Variants in TLNRD1 observed in about 807,000 individuals in gnomAD.
The protein encoded by TLNRD1 is talin rod domain-containing protein 1.
A neutral mutation model predicts 19.5 loss-of-function variants in TLNRD1; 14 were observed. The ratio of observed to expected loss-of-function variants is 0.72; its 90% CI spans 0.47 to 1.12. The LOEUF (loss-of-function observed/expected upper bound fraction) is 1.12. Ranked by LOEUF, TLNRD1 falls within the 50% of genes most tolerant of loss-of-function variation. The probability of loss-of-function intolerance (pLI) is 0.00; values close to 1 mark genes in which losing one functional copy is unlikely to be tolerated. For synonymous variants in TLNRD1, 345 were observed against 261.7 expected (o/e 1.32, Z -3.07); for missense variants, 569 against 531.9 (o/e 1.07, Z -0.69).
rs946439426 is a variant in TLNRD1 at position 81,001,302 on chromosome 15, G to T, written c.-970G>T. ...GCCTCGGGAGAGCTCAGCTGCTGCG[G>T]GCCCCAGACGAGGCGACAGGGATGG... On this transcript the variant is annotated 5_prime_UTR_variant, in exon 1 of 1. Coordinates refer to ENST00000267984, the MANE Select transcript of TLNRD1 (RefSeq NM_022566.3). The T allele has an allele frequency of 1.3e-5, 2 of 152,150 alleles. No individual in the cohort carries two copies. The highest frequency in any genetic ancestry group is 2.9e-5 in the Non-Finnish European group (2 of 68,112). 9.4% of individuals were successfully genotyped at this position (152,150 alleles called of 1,614,324 possible). A position where few individuals can be genotyped will look rare whatever the true frequency, so the allele number is the denominator to read the frequency against.
chr15:81,003,742 A>G lies in TLNRD1; in HGVS notation c.*382A>G, dbSNP rs1893457591. On this transcript the variant is annotated 3_prime_UTR_variant, in exon 1 of 1. Transcript: ENST00000267984. ...TTTTAATTAAAAGAAAGGTTACCTCAGTTTTCACTCCTTAGACATGGATGT... is the reference window on the plus strand; with the variant it reads ...TTTTAATTAAAAGAAAGGTTACCTCGGTTTTCACTCCTTAGACATGGATGT... The G allele has an allele frequency of 5.4e-6, 1 of 186,640 alleles. No individual in the cohort carries two copies. The highest frequency in any genetic ancestry group is 1.2e-5 in the Non-Finnish European group (1 of 83,036). 11.6% of individuals were successfully genotyped at this position (186,640 alleles called of 1,614,324 possible).
Position 81,003,258 on chromosome 15 carries a change from G to A in TLNRD1, c.987G>A (p.Ser329=), listed in dbSNP as rs1893446586. ...ACCACAGGGAGAGGCTGAGGAACTC[G>A]GCCTGCGCCGTGTCTGAAGGCTGCA... ...MSDHRERLRN[S]ACAVSEGCTL... is the part of the protein sequence containing the mutation. Residue 329 remains serine (S), a synonymous_variant, in exon 1 of 1, where the codon TCG becomes TCA. Transcript: ENST00000267984. 9.3e-6 allele frequency: 15 copies of A among 1,608,738 alleles called. No individual in the cohort carries two copies. Among genetic ancestry groups the A allele is most frequent in the Non-Finnish European group, 1.3e-5 (15 of 1,178,240 alleles).
rs1462314255 is a variant in TLNRD1, at chr15:81,004,923, C to A, written c.*1563C>A. On this transcript the variant is annotated 3_prime_UTR_variant, in exon 1 of 1. Transcript: ENST00000267984. ...ACGTGGTTTAGATTTGTTCCATTTA[C>A]ATTTTTCTTGGGATTTGTTGTGCTT... is the stretch of plus-strand genomic sequence containing the variant. The A allele has an allele frequency of 6.0e-6, 1 of 167,076 alleles. No individual in the cohort carries two copies. Among genetic ancestry groups the A allele is most frequent in the Non-Finnish European group, 1.5e-5 (1 of 68,116 alleles). 10.3% of individuals were successfully genotyped at this position (167,076 alleles called of 1,614,324 possible).
rs887062586 is a variant in TLNRD1 at position 81,005,678 on chromosome 15, A to G, written c.*2318A>G. The G allele has an allele frequency of 3.6e-5, 6 of 167,072 alleles. No individual in the cohort carries two copies. The highest frequency in any genetic ancestry group is 8.8e-5 in the Non-Finnish European group (6 of 68,124). 10.3% of individuals were successfully genotyped at this position (167,072 alleles called of 1,614,324 possible). A position where few individuals can be genotyped will look rare whatever the true frequency, so the allele number is the denominator to read the frequency against. ...CTAGCTAGTCACTAAGTGAATTTTG[A>G]AACCTCTTACCTAAATGATAGCTGC... On this transcript the variant is annotated 3_prime_UTR_variant, in exon 1 of 1. Transcript: ENST00000267984.
At position 81,001,401 on chromosome 15, in the gene TLNRD1, C is replaced by G. The variant is rs1399011813; in HGVS notation, c.-871C>G. The G allele has an allele frequency of 1.3e-5, 2 of 151,210 alleles. No individual in the cohort carries two copies. The highest frequency in any genetic ancestry group is 2.4e-5 in the African/African-American group (1 of 41,280). 9.4% of individuals were successfully genotyped at this position (151,210 alleles called of 1,614,324 possible). A position where few individuals can be genotyped will look rare whatever the true frequency, so the allele number is the denominator to read the frequency against. ...GGCGTGCCGCCGCGGCGCCGGGCCGCGCTCTGTGAACCGGCGAGGCGGGAA... is the reference window on the plus strand; with the variant it reads ...GGCGTGCCGCCGCGGCGCCGGGCCGGGCTCTGTGAACCGGCGAGGCGGGAA... On this transcript the variant is annotated 5_prime_UTR_variant, in exon 1 of 1. Coordinates refer to ENST00000267984, the MANE Select transcript of TLNRD1 (RefSeq NM_022566.3).
chr15:81,003,324 G>A lies in TLNRD1; in HGVS notation c.1053G>A (p.Arg351=). The A allele has an allele frequency of 1.9e-6, 3 of 1,604,848 alleles. No homozygotes were observed. Among genetic ancestry groups the A allele is most frequent in the South Asian group, 2.2e-5 (2 of 90,778 alleles). The change falls in exon 1 of 1, where the codon AGG becomes AGA. Residue 351 remains arginine (R), a synonymous_variant. Coordinates refer to ENST00000267984, the MANE Select transcript of TLNRD1 (RefSeq NM_022566.3). ...SQALRERSSP[R]TLPPVNSNSV... ...CTTTAAGGGAGAGGTCTTCGCCCAG[G>A]ACTTTACCGCCAGTGAATTCCAATT...
chr15:81,003,035 T>A lies in TLNRD1; in HGVS notation c.764T>A (p.Val255Glu). The change falls in exon 1 of 1, where the codon GTG becomes GAG. Residue 255 changes from valine (V) to glutamate (E), a missense_variant. Transcript: ENST00000267984. ...SRCALFSGPL[V>E]QAVSALVGFA... Reference sequence around the variant, plus strand: ...TGTGCGCTCTTCAGCGGGCCCCTGGTGCAGGCAGTGAGCGCCCTGGTAGGC... The same window carrying A: ...TGTGCGCTCTTCAGCGGGCCCCTGGAGCAGGCAGTGAGCGCCCTGGTAGGC... 6.4e-7 allele frequency: 1 copy of A among 1,551,542 alleles called. No individual in the cohort carries two copies. The highest frequency in any genetic ancestry group is 8.7e-7 in the Non-Finnish European group (1 of 1,155,058).
Position 81,005,332 on chromosome 15 carries a change from G to A in TLNRD1, c.*1972G>A, listed in dbSNP as rs1253801267. 1 of 167,084 alleles carries A rather than the reference G, an allele frequency of 6.0e-6. No individual in the cohort carries two copies. The highest frequency in any genetic ancestry group is 2.4e-5 in the African/African-American group (1 of 41,438). 10.4% of individuals were successfully genotyped at this position (167,084 alleles called of 1,614,324 possible). A position where few individuals can be genotyped will look rare whatever the true frequency, so the allele number is the denominator to read the frequency against. On this transcript the variant is annotated 3_prime_UTR_variant, in exon 1 of 1. Transcript: ENST00000267984. ...TTGGGATGGGGTTCAGGATGAAAGG[G>A]AGGTGGGATTCTAATTCATGTGCCA...
rs1428974574 is a variant in TLNRD1, at chr15:81,003,936, A to T, written c.*576A>T. On this transcript the variant is annotated 3_prime_UTR_variant, in exon 1 of 1. Transcript: ENST00000267984. ...CTATAGAGTGATTTTTTTTTCCCCC[A>T]ACGTCAAGTTTTTACCTTGCATGTA... 6.0e-6 allele frequency: 1 copy of T among 166,304 alleles called. No individual in the cohort carries two copies. The highest frequency in any genetic ancestry group is 2.4e-5 in the African/African-American group (1 of 41,342). The allele number at this position is 166,304 out of a possible 1,614,324, so 10.3% of individuals were successfully genotyped here. A position where few individuals can be genotyped will look rare whatever the true frequency, so the allele number is the denominator to read the frequency against.
chr15:81,002,729 T>G lies in TLNRD1; in HGVS notation c.458T>G (p.Val153Gly). The change falls in exon 1 of 1, where the codon GTG (valine) becomes GGG (glycine). Residue 153 changes from valine to glycine, a missense_variant. By Grantham distance (109) the Val-to-Gly change is moderately radical. Coordinates refer to ENST00000267984, the MANE Select transcript of TLNRD1 (RefSeq NM_022566.3). ...CCGGGCCTGGTGGACCGCTACCGCGTGACGCGATGCCGCCACGAGGTGGAG... is the reference window on the plus strand; with the variant it reads ...CCGGGCCTGGTGGACCGCTACCGCGGGACGCGATGCCGCCACGAGGTGGAG... ...AQPGLVDRYR[V>G]TRCRHEVEQG... is the part of the protein sequence containing the mutation. 6.5e-7 allele frequency: 1 copy of G among 1,534,230 alleles called. No homozygotes were observed. The highest frequency in any genetic ancestry group is 8.7e-7 in the Non-Finnish European group (1 of 1,146,052).
Position 81,002,570 on chromosome 15 carries a change from TC to T in TLNRD1, c.300del (p.Asn101ThrfsTer22). 6.8e-7 allele frequency: 1 copy of T among 1,465,012 alleles called. No individual in the cohort carries two copies. The highest frequency in any genetic ancestry group is 9.0e-7 in the Non-Finnish European group (1 of 1,115,468). 90.8% of individuals were successfully genotyped at this position (1,465,012 alleles called of 1,614,324 possible). On this transcript the variant is annotated frameshift_variant, in exon 1 of 1. Coordinates refer to ENST00000267984, the MANE Select transcript of TLNRD1 (RefSeq NM_022566.3). LOFTEE classifies it high-confidence loss of function. ...SILTHDVQSQ[L>X]NMGRFGEAGD... is the part of the protein sequence containing the mutation. ...CTCACCCACGACGTGCAGAGCCAGC[TC>T]AACATGGGCCGCTTCGGGGAGGCGG...
chr15:81,003,613 C>T lies in TLNRD1; in HGVS notation c.*253C>T. 2.4e-6 allele frequency: 1 copy of T among 414,410 alleles called. No homozygotes were observed. The highest frequency in any genetic ancestry group is 4.4e-6 in the Non-Finnish European group (1 of 226,008). 25.7% of individuals were successfully genotyped at this position (414,410 alleles called of 1,614,324 possible). ...ATATGTCATCTGCTGGTTGTGTTATCACTCCCACCCCCTACCCCAGCCCGT... is the reference window on the plus strand; with the variant it reads ...ATATGTCATCTGCTGGTTGTGTTATTACTCCCACCCCCTACCCCAGCCCGT... On this transcript the variant is annotated 3_prime_UTR_variant, in exon 1 of 1. Transcript: ENST00000267984.
Position 81,001,895 on chromosome 15 carries a change from A to G in TLNRD1, c.-377A>G, listed in dbSNP as rs1234355295. On this transcript the variant is annotated 5_prime_UTR_variant, in exon 1 of 1. Coordinates refer to ENST00000267984, the MANE Select transcript of TLNRD1 (RefSeq NM_022566.3). ...CCGAGGGCCGCGCCAGGCCATGCCC[A>G]AGAAGGCGGCGGCGGCGGCGAACCA... 1 of 153,362 alleles carries G rather than the reference A, an allele frequency of 6.5e-6. No homozygotes were observed. Among genetic ancestry groups the G allele is most frequent in the African/African-American group, 2.4e-5 (1 of 41,238 alleles). The allele number at this position is 153,362 out of a possible 1,614,324, so 9.5% of individuals were successfully genotyped here. A position where few individuals can be genotyped will look rare whatever the true frequency, so the allele number is the denominator to read the frequency against.
At position 81,003,387 on chromosome 15, in the gene TLNRD1, AC is replaced by A. The variant is rs1567132847; in HGVS notation, c.*32del. The A allele has an allele frequency of 6.6e-7, 1 of 1,506,128 alleles. No individual in the cohort carries two copies. Among genetic ancestry groups the A allele is most frequent in the Non-Finnish European group, 8.9e-7 (1 of 1,126,160 alleles). 93.3% of individuals were successfully genotyped at this position (1,506,128 alleles called of 1,614,324 possible). Reference sequence around the variant, plus strand: ...ACCCCACCCCCATACCCCTTCTTCCACCCCCAGACTAAAGGAAGATACTTAC... The same window carrying A: ...ACCCCACCCCCATACCCCTTCTTCCACCCCAGACTAAAGGAAGATACTTAC... On this transcript the variant is annotated 3_prime_UTR_variant, in exon 1 of 1. Transcript: ENST00000267984.
chr15:81,002,833 TCGCG>T lies in TLNRD1; in HGVS notation c.564_567del (p.Arg189ThrfsTer5). On this transcript the variant is annotated frameshift_variant, in exon 1 of 1. Coordinates refer to ENST00000267984, the MANE Select transcript of TLNRD1 (RefSeq NM_022566.3). LOFTEE classifies it high-confidence loss of function. ...GCTGCTGGAGGTGTCGCAGGGCCTG[TCGCG>T]CAACCTCAAGTTCCTGACGGACGCG... 1 of 1,590,950 alleles carries T rather than the reference TCGCG, an allele frequency of 6.3e-7. No homozygotes were observed. The highest frequency in any genetic ancestry group is 1.1e-5 in the South Asian group (1 of 90,016).
Position 81,002,538 on chromosome 15 carries a change from C to T in TLNRD1, c.267C>T (p.Leu89=). The T allele has an allele frequency of 1.4e-6, 2 of 1,459,892 alleles. No individual in the cohort carries two copies. The highest frequency in any genetic ancestry group is 1.8e-6 in the Non-Finnish European group (2 of 1,110,302). The allele number at this position is 1,459,892 out of a possible 1,614,324, so 90.4% of individuals were successfully genotyped here. The part of the protein sequence containing the change: ...RDTIIARTKG[L]SILTHDVQSQ... ...CCATCATCGCGCGCACCAAGGGGCT[C>T]TCCATCCTCACCCACGACGTGCAGA... The change falls in exon 1 of 1, where the codon CTC becomes CTT. Residue 89 remains leucine, a synonymous_variant. Coordinates refer to ENST00000267984, the MANE Select transcript of TLNRD1 (RefSeq NM_022566.3).
rs1893418287 is a variant in TLNRD1, at chr15:81,002,026, AG to A, written c.-245del. 1.0e-5 allele frequency: 3 copies of A among 295,616 alleles called. No individual in the cohort carries two copies. Among genetic ancestry groups the A allele is most frequent in the South Asian group, 3.2e-4 (2 of 6,238 alleles). 18.3% of individuals were successfully genotyped at this position (295,616 alleles called of 1,614,324 possible). On this transcript the variant is annotated 5_prime_UTR_variant, in exon 1 of 1. The change creates a premature stop within an existing upstream ORF in the 5' untranslated region. Transcript: ENST00000267984. Reference sequence around the variant, plus strand: ...AGCCCTCTAGGAGGCCGAAAGCTGCAGCCCCTCCCCTTGCCCCGAAGAGCCT... The same window carrying A: ...AGCCCTCTAGGAGGCCGAAAGCTGCACCCCTCCCCTTGCCCCGAAGAGCCT...
rs1410342351 is a variant in TLNRD1 at position 81,001,413 on chromosome 15, C to T, written c.-859C>T. The T allele has an allele frequency of 2.0e-5, 3 of 151,074 alleles. No homozygotes were observed. The highest frequency in any genetic ancestry group is 4.4e-5 in the Non-Finnish European group (3 of 67,720). 9.4% of individuals were successfully genotyped at this position (151,074 alleles called of 1,614,324 possible). A position where few individuals can be genotyped will look rare whatever the true frequency, so the allele number is the denominator to read the frequency against. The stretch of plus-strand genomic sequence containing the variant: ...CGGCGCCGGGCCGCGCTCTGTGAAC[C>T]GGCGAGGCGGGAAGGGGCCGCCGTG... On this transcript the variant is annotated 5_prime_UTR_variant, in exon 1 of 1. Transcript: ENST00000267984.
In TLNRD1 at chr15:81,002,701, C is replaced by T. The variant is rs901586607; in HGVS notation, c.430C>T (p.Gln144Ter). Residue 144 changes from glutamine to a stop codon, truncating the protein, a stop_gained, in exon 1 of 1, where the codon CAG becomes TAG. Coordinates refer to ENST00000267984, the MANE Select transcript of TLNRD1 (RefSeq NM_022566.3). LOFTEE classifies it high-confidence loss of function. ...GGCCACGCCGGGCGCCCAGCCCGCG[C>T]AGCCGGGCCTGGTGGACCGCTACCG... is the stretch of plus-strand genomic sequence containing the variant. The part of the protein sequence containing the change: ...AVATPGAQPA[Q>*]PGLVDRYRVT... 1.3e-6 allele frequency: 2 copies of T among 1,505,196 alleles called. No homozygotes were observed. The highest frequency in any genetic ancestry group is 1.8e-6 in the Non-Finnish European group (2 of 1,135,488). 93.2% of individuals were successfully genotyped at this position (1,505,196 alleles called of 1,614,324 possible).
Sources: gnomAD v4.1 joint callset for allele counts on GRCh38, gnomAD v4.1.1 for gene constraint, MANE v1.5 for transcripts, NCBI Gene and HGNC (gene_info 2026-07-23, HGNC 2026-07-21) for gene names.